The following GRM8 variants were observed in gnomAD, a reference collection of about 807,000 sequenced individuals.
GRM8 encodes metabotropic glutamate receptor 8.
Under a neutral mutation model 87.2 loss-of-function variants are expected in GRM8, and 47 were observed. The observed-to-expected ratio is 0.54, with a 90% CI of 0.43 to 0.69. GRM8 has a LOEUF of 0.69. GRM8 is among the 30% of genes least tolerant of loss of function. The pLI is 0.00. For synonymous variants in GRM8, 396 were observed against 404.5 expected, an observed-to-expected ratio of 0.98 and a Z score of 0.25; for missense variants, 1,019 against 1,139.2, an observed-to-expected ratio of 0.89 and a Z score of 1.52.
intron 7 of GRM8, among the ~76,000 whole-genome samples, chr7:126,709,533 G>A (rs961159555): frequency 6.6e-6 from 1 of 152,098 alleles, no homozygotes; most frequent in African/African-American, 2.4e-5. Flanking sequence ...CATAAGTGTT[G>A]CAAAGGGTGT....
chr7:126,899,695 A>G (rs1484820119), intron 6 of GRM8, among the ~76,000 whole-genome samples: 1 of 151,844 alleles, frequency 6.6e-6, no homozygotes, highest in African/African-American at 2.4e-5. Flanking sequence ...GTTTCCATCA[A>G]GATCCTACTC....
chr7:126,740,996 T>A lies in GRM8; in HGVS notation c.1357+28869A>T, dbSNP rs546377220. ...AGTTGAAAGTGGGGGAACTTAAGAA[T>A]TAGTGATAAATAAAATCAATATGGG... On this transcript the variant is annotated intron_variant, in intron 7 of 10. Transcript: ENST00000339582. Among the ~76,000 whole-genome samples, 4 of 152,222 alleles carry A rather than the reference T, an allele frequency of 2.6e-5. No homozygotes were observed. The East Asian group carries it at 7.7e-4, about 29-fold the overall frequency.
intron 6 of GRM8, among the ~76,000 whole-genome samples, chr7:126,790,480 C>T (rs1274118123): frequency 6.6e-6 from 1 of 152,166 alleles, no homozygotes. Context: ...ATAATACACC[C>T]ATCCACACCA....
At chr7:126,737,118 A>G (rs1814323424) in intron 7 of GRM8, among the ~76,000 whole-genome samples, 1 of 152,086 alleles carries the variant, frequency 6.6e-6, no homozygotes, top group South Asian at 2.1e-4. Context: ...ATTATGGTTT[A>G]GGAATCATGC....
intron 7 of GRM8, among the ~76,000 whole-genome samples, chr7:126,655,807 C>T (rs1232675180): frequency 6.6e-6 from 1 of 152,116 alleles, no homozygotes; most frequent in African/African-American, 2.4e-5. Context: ...AAAACATCCA[C>T]ATGTGGTTTA....
At chr7:126,448,551 C>T (rs556229630) in intron 9 of GRM8, among the ~76,000 whole-genome samples, 1 of 151,876 alleles carries the variant, frequency 6.6e-6, no homozygotes, top group African/African-American at 2.4e-5. Flanking sequence ...AATAAATTAC[C>T]GCAGTCTATC....
At chr7:126,919,268 C>T (rs979264205) in intron 3 of GRM8, among the ~76,000 whole-genome samples, 2 of 152,108 alleles carry the variant, frequency 1.3e-5, no homozygotes, top group African/African-American at 4.8e-5. Flanking sequence ...GGGTGCTTGA[C>T]AGGATGATGT....
At chr7:126,781,713 A>C (rs1273409839) in intron 6 of GRM8, among the ~76,000 whole-genome samples, 1 of 152,014 alleles carries the variant, frequency 6.6e-6, no homozygotes, top group Admixed American at 6.6e-5. Flanking sequence ...AAAAAATTTT[A>C]TTTATTTATT....
intron 7 of GRM8, among the ~76,000 whole-genome samples, chr7:126,615,732 CTG>C (rs956424427): frequency 6.6e-6 from 1 of 152,068 alleles, no homozygotes; most frequent in African/African-American, 2.4e-5. Flanking sequence ...ATCCTAGTCT[CTG>C]ATGAAACAGA....
intron 7 of GRM8, among the ~76,000 whole-genome samples, chr7:126,625,519 G>A (rs1433295901): frequency 2.2e-5 from 3 of 133,718 alleles, no homozygotes; most frequent in East Asian, 2.4e-4. Context: ...TCAAAAAACT[G>A]AGATAACAGT....
chr7:126,872,374 C>CA (rs1799175909), intron 6 of GRM8, among the ~76,000 whole-genome samples: 1 of 152,116 alleles, frequency 6.6e-6, no homozygotes, highest in South Asian at 2.1e-4. Flanking sequence ...ATTGTGTCAT[C>CA]AGCCCAGACC....
intron 3 of GRM8, among the ~76,000 whole-genome samples, chr7:126,987,755 G>A (rs1254366580): frequency 6.6e-6 from 1 of 152,124 alleles, no homozygotes; most frequent in Non-Finnish European, 1.5e-5. Flanking sequence ...GAGCCACGGC[G>A]CCCGGCCTTC....
At chr7:126,800,899 T>C (rs1279781803) in intron 6 of GRM8, among the ~76,000 whole-genome samples, 1 of 152,148 alleles carries the variant, frequency 6.6e-6, no homozygotes, top group Non-Finnish European at 1.5e-5. Flanking sequence ...TTATTAGTAC[T>C]ATTAAAAAGC....
chr7:126,802,544 A>G lies in GRM8; in HGVS notation c.1157-32479T>C, dbSNP rs532544871. Among the ~76,000 whole-genome samples, 5 of 152,310 alleles carry G rather than the reference A, an allele frequency of 3.3e-5. No homozygotes were observed. The East Asian group carries it at 7.7e-4, about 24-fold the overall frequency. On this transcript the variant is annotated intron_variant, in intron 6 of 10. Transcript: ENST00000339582. ...GAATGATATTCAGCCTTAAAAAAAA[A>G]GGAGCTCCTGTCATTTGAAATAACA... is the stretch of plus-strand genomic sequence containing the variant.
chr7:126,583,936 T>A lies in GRM8; in HGVS notation c.1494+25426A>T, dbSNP rs889394241. On this transcript the variant is annotated intron_variant, in intron 8 of 10. Transcript: ENST00000339582. ...GTAGGTAAAATGTTACCAAACAGTA[T>A]CATATGCTGCAGATAAATCTTTCAC... 2.0e-5 allele frequency among the ~76,000 whole-genome samples: 3 copies of A among 152,296 alleles called. No individual in the cohort carries two copies. The South Asian group carries it at 6.2e-4, about 32-fold the overall frequency.
chr7:127,064,103 G>C (rs1376667053), intron 3 of GRM8, among the ~76,000 whole-genome samples: 1 of 152,192 alleles, frequency 6.6e-6, no homozygotes, highest in Non-Finnish European at 1.5e-5. Flanking sequence ...ATATTCTATT[G>C]TTTTAGGTGG....
In GRM8 at chr7:126,968,258, T is replaced by C. The variant is rs547336364; in HGVS notation, c.728-63575A>G. ...AGAAAATTGTGAAGCTATTAAATCA[T>C]GGTCAATAAAATATTTCTATGCCAG... On this transcript the variant is annotated intron_variant, in intron 3 of 10. Transcript: ENST00000339582. Among the ~76,000 whole-genome samples, 103 of 152,350 alleles carry C rather than the reference T, an allele frequency of 6.8e-4. 1 individual carries two copies. The highest frequency in any genetic ancestry group is 6.8e-3 in the Middle Eastern group (2 of 294).
At chr7:126,768,774 A>T (rs959555641) in intron 7 of GRM8, among the ~76,000 whole-genome samples, 1 of 152,050 alleles carries the variant, frequency 6.6e-6, no homozygotes, top group Non-Finnish European at 1.5e-5. Context: ...TCAATTTCAT[A>T]ATTGCATAAA....
intron 6 of GRM8, among the ~76,000 whole-genome samples, chr7:126,800,289 G>A (rs1822515426): frequency 6.6e-6 from 1 of 151,994 alleles, no homozygotes; most frequent in Non-Finnish European, 1.5e-5. Context: ...ATTCATCAAA[G>A]TGTCCTTCCT....
Sources: gnomAD v4.1 joint callset for allele counts (sites outside exome capture counted in the v4.1 genomes callset) on GRCh38, gnomAD v4.1.1 for gene constraint, MANE v1.5 for transcripts, NCBI Gene and HGNC (gene_info 2026-07-23, HGNC 2026-07-21) for gene names.